Variants in CERS6 observed in about 807,000 individuals in gnomAD.
CERS6 encodes the protein ceramide synthase 6.
CERS6 carries 26 observed loss-of-function variants against 56.8 expected under a neutral mutation model. The ratio of observed to expected loss-of-function variants is 0.46; its 90% confidence interval spans 0.34 to 0.63. The LOEUF (loss-of-function observed/expected upper bound fraction) is 0.63. Ranked by LOEUF, CERS6 falls within the 30% of genes least tolerant of loss-of-function variation. CERS6 has a pLI of 0.01. For missense variants in CERS6, 415 were observed against 467.5 expected (o/e 0.89, Z 1.04); for synonymous variants, 164 against 173.3 (o/e 0.95, Z 0.42).
chr2:168,668,651 A>T (rs1490175629), intron 4 of CERS6, among the ~76,000 whole-genome samples: 1 of 151,854 alleles, frequency 6.6e-6, no homozygotes, highest in Non-Finnish European at 1.5e-5. Context: ...ATGGGGTTTC[A>T]CCGTGTTGGC....
intron 4 of CERS6, among the ~76,000 whole-genome samples, chr2:168,678,390 C>A (rs1301205487): frequency 6.6e-6 from 1 of 152,180 alleles, no homozygotes; most frequent in East Asian, 1.9e-4. Context: ...CTTCTTACTG[C>A]AAGGGGGCTG....
At chr2:168,670,974 C>T (rs1306708342) in intron 4 of CERS6, among the ~76,000 whole-genome samples, 4 of 68,246 alleles carry the variant, frequency 5.9e-5, no homozygotes, top group African/African-American at 1.4e-4. Context: ...CTTCCCCCCC[C>T]CCCCCCAGAC....
At chr2:168,587,732 T>C (rs1683577446) in intron 3 of CERS6, among the ~76,000 whole-genome samples, 1 of 151,576 alleles carries the variant, frequency 6.6e-6, no homozygotes, top group African/African-American at 2.4e-5. Context: ...AATTAACATA[T>C]TAATATATAA....
chr2:168,688,527 T>G (rs1686415556), intron 4 of CERS6, among the ~76,000 whole-genome samples: 1 of 152,194 alleles, frequency 6.6e-6, no homozygotes, highest in Non-Finnish European at 1.5e-5. Context: ...TTCGGTTTTC[T>G]TATCTATAAA....
intron 8 of CERS6, among the ~76,000 whole-genome samples, chr2:168,763,453 G>A (rs1230488905): frequency 6.6e-6 from 1 of 151,478 alleles, no homozygotes; most frequent in African/African-American, 2.4e-5. Context: ...GTAGAGACAG[G>A]GTTTCAGCAT....
chr2:168,690,981 T>C (rs1413017946), intron 4 of CERS6, 53 bp from the exon 5 acceptor site: 1 of 1,510,164 alleles, frequency 6.6e-7, no homozygotes, highest in Non-Finnish European at 9.2e-7. Flanking sequence ...ACCTTTTTTA[T>C]CCTCTTATCC....
intron 6 of CERS6, among the ~76,000 whole-genome samples, chr2:168,696,270 A>C (rs1046090397): frequency 6.6e-6 from 1 of 152,158 alleles, no homozygotes; most frequent in Non-Finnish European, 1.5e-5. Context: ...GTTCTTCTCC[A>C]GTAACCCTTA....
At chr2:168,574,260 A>G (rs1377435647) in intron 3 of CERS6, among the ~76,000 whole-genome samples, 1 of 152,200 alleles carries the variant, frequency 6.6e-6, no homozygotes, top group Admixed American at 6.5e-5. Flanking sequence ...AAGCGTTTAC[A>G]TGAATCCTGG....
intron 3 of CERS6, among the ~76,000 whole-genome samples, chr2:168,578,783 G>A (rs148821247): frequency 6.0e-4 from 91 of 152,182 alleles, no homozygotes; most frequent in East Asian, 2.7e-3. Flanking sequence ...AATAAAAACC[G>A]TAAGGGATGC....
At chr2:168,478,180 C>T (rs1694113764) in intron 1 of CERS6, among the ~76,000 whole-genome samples, 1 of 152,086 alleles carries the variant, frequency 6.6e-6, no homozygotes, top group African/African-American at 2.4e-5. Flanking sequence ...CAGCTTTTCT[C>T]TAGCCTGCTT....
intron 3 of CERS6, among the ~76,000 whole-genome samples, chr2:168,568,987 A>G (rs962105834): frequency 6.6e-6 from 1 of 152,362 alleles, no homozygotes; most frequent in Middle Eastern, 3.4e-3. Flanking sequence ...TAGCTACTAC[A>G]ATAAATACGG....
chr2:168,499,835 C>T (rs1042863266), intron 1 of CERS6, among the ~76,000 whole-genome samples: 1 of 152,144 alleles, frequency 6.6e-6, no homozygotes, highest in African/African-American at 2.4e-5. Flanking sequence ...AACTGCTATA[C>T]CCAAAAAGGC....
intron 3 of CERS6, among the ~76,000 whole-genome samples, chr2:168,610,051 C>A (rs1684148180): frequency 6.8e-6 from 1 of 146,412 alleles, no homozygotes; most frequent in Admixed American, 7.1e-5. Flanking sequence ...GACCTCGGCT[C>A]ACTGCAAGCT....
At chr2:168,611,598 C>T (rs532724055) in intron 3 of CERS6, among the ~76,000 whole-genome samples, 3 of 152,202 alleles carry the variant, frequency 2.0e-5, no homozygotes, top group Non-Finnish European at 4.4e-5. Context: ...ATTTATAACA[C>T]CACATTGCCA....
chr2:168,619,322 C>G (rs1362783280), intron 3 of CERS6, among the ~76,000 whole-genome samples: 2 of 152,060 alleles, frequency 1.3e-5, no homozygotes, highest in Non-Finnish European at 2.9e-5. Context: ...GACCAAGAAC[C>G]TAAAAGCAAA....
intron 1 of CERS6, among the ~76,000 whole-genome samples, chr2:168,522,567 C>G (rs990262921): frequency 6.6e-6 from 1 of 151,652 alleles, no homozygotes; most frequent in African/African-American, 2.4e-5. Context: ...GGGTCTCGCT[C>G]TGTTGCTCAG....
intron 1 of CERS6, among the ~76,000 whole-genome samples, chr2:168,517,355 T>G (rs1394174085): frequency 1.3e-5 from 2 of 151,392 alleles, no homozygotes; most frequent in African/African-American, 2.4e-5. Flanking sequence ...AGCTGGGCAT[T>G]GTGGGGCGTG....
intron 8 of CERS6, among the ~76,000 whole-genome samples, chr2:168,743,212 GTA>G (rs1683976272): frequency 2.4e-5 from 3 of 127,356 alleles, no homozygotes; most frequent in Admixed American, 1.8e-4. Flanking sequence ...ATGTGTGTGT[GTA>G]TGTGTGTGTG....
chr2:168,669,876 C>T (rs879708230), intron 4 of CERS6, among the ~76,000 whole-genome samples: 3 of 152,182 alleles, frequency 2.0e-5, no homozygotes, highest in Admixed American at 2.0e-4. Context: ...AGCAGATTTT[C>T]TTCAAAGACC....
Sources: allele counts gnomAD v4.1 joint callset (sites outside exome capture counted in the v4.1 genomes callset), GRCh38; gene constraint gnomAD v4.1.1; transcripts MANE v1.5; gene names NCBI Gene and HGNC (gene_info 2026-07-23, HGNC 2026-07-21).